Variants in SOX6 observed in about 807,000 individuals in gnomAD.
SOX6 encodes SRY-box transcription factor 6.
SOX6 carries 11 observed loss-of-function variants against 97.8 expected under a neutral mutation model. That is an observed-to-expected ratio of 0.11 (90% CI 0.07 to 0.19). The LOEUF is 0.19. Ranked by LOEUF, SOX6 falls within the 10% of genes least tolerant of loss-of-function variation. The probability of loss-of-function intolerance (pLI) is 1.00; values close to 1 mark genes in which losing one functional copy is unlikely to be tolerated. For missense variants in SOX6, 810 were observed against 1,039.5 expected (o/e 0.78, Z 3.04); for synonymous variants, 360 against 371.4 (o/e 0.97, Z 0.35).
At chr11:16,288,584 ATTTTAGAGCCCAGTCATTCATTTAT>A (rs1854819354) in intron 3 of SOX6, among the ~76,000 whole-genome samples, 1 of 152,048 alleles carries the variant, frequency 6.6e-6, no homozygotes, top group African/African-American at 2.4e-5. Flanking sequence ...TTAGTAAGAT[ATTTTAGAGCCCAGTCATTCATTTAT>A]TAAATATTCT....
intron 6 of SOX6, among the ~76,000 whole-genome samples, chr11:16,117,209 T>C (rs1159564591): frequency 6.6e-6 from 1 of 151,934 alleles, no homozygotes; most frequent in Non-Finnish European, 1.5e-5. Flanking sequence ...AAAAATTAGC[T>C]GGGCATGGTG....
At chr11:16,476,260 AAACTGT>A (rs1860245592) in intron 1 of SOX6, 1 of 152,434 alleles carries the variant, frequency 6.6e-6, no homozygotes, top group African/African-American at 2.4e-5. Flanking sequence ...ACTTGTTTAC[AAACTGT>A]AACTGTTTCA....
intron 2 of SOX6, chr11:16,736,320 T>G (rs1290205875): frequency 6.6e-6 from 1 of 152,222 alleles, no homozygotes; most frequent in African/African-American, 2.4e-5. Flanking sequence ...TCTATTACAC[T>G]GTATAATTTC....
chr11:16,117,331 G>C (rs994401056), intron 6 of SOX6, among the ~76,000 whole-genome samples: 6 of 150,292 alleles, frequency 4.0e-5, no homozygotes, highest in Non-Finnish European at 8.9e-5. Context: ...CCAGCCTGGC[G>C]ACAGAGCGAG....
intron 1 of SOX6, among the ~76,000 whole-genome samples, chr11:16,474,639 CT>C (rs1860202739): frequency 6.6e-6 from 1 of 152,126 alleles, no homozygotes; most frequent in Non-Finnish European, 1.5e-5. Flanking sequence ...GTAAACCATG[CT>C]ATAAACAAGT....
Position 16,177,936 on chromosome 11 carries a change from A to C in SOX6, c.777+5950T>G, listed in dbSNP as rs1851243591. 2.0e-5 allele frequency among the ~76,000 whole-genome samples: 3 copies of C among 151,946 alleles called. No individual in the cohort carries two copies. The South Asian group carries it at 6.2e-4, about 31-fold the overall frequency. ...ATTTTTAGTACCACTGGTTTGGGAG[A>C]GAGCTGGGGAGTACAGTGCAGTCTA... is the stretch of plus-strand genomic sequence containing the variant. On this transcript the variant is annotated intron_variant, in intron 6 of 15. Transcript: ENST00000683767.
rs766532266 is a variant in SOX6 at position 16,177,996 on chromosome 11, TAG to T, written c.777+5888_777+5889del. ...CACAGATAGAGAAGGGCGGGTTGTGTAGAGACTGAAGTAACTGAAGGATAGCG... is the reference window on the plus strand; with the variant it reads ...CACAGATAGAGAAGGGCGGGTTGTGTAGACTGAAGTAACTGAAGGATAGCG... On this transcript the variant is annotated intron_variant, in intron 6 of 15. Transcript: ENST00000683767. Among the ~76,000 whole-genome samples, 59 of 151,930 alleles carry T rather than the reference TAG, an allele frequency of 3.9e-4. 1 individual carries two copies. The highest frequency in any genetic ancestry group is 2.7e-4 in the Non-Finnish European group (18 of 67,916).
At chr11:16,546,452 T>G (rs762333014) in intron 4 of SOX6, among the ~76,000 whole-genome samples, 3 of 151,782 alleles carry the variant, frequency 2.0e-5, no homozygotes, top group Non-Finnish European at 4.4e-5. Context: ...CAGAAACAAA[T>G]CCACATATTT....
At chr11:16,414,889 T>C (rs889364710) in intron 1 of SOX6, among the ~76,000 whole-genome samples, 36 of 152,162 alleles carry the variant, frequency 2.4e-4, no homozygotes, top group Non-Finnish European at 7.4e-5. Flanking sequence ...AATATAAATA[T>C]AAGCTATTTT....
chr11:16,203,500 C>G (rs539300108), intron 4 of SOX6, among the ~76,000 whole-genome samples: 2 of 152,124 alleles, frequency 1.3e-5, no homozygotes, highest in Admixed American at 1.3e-4. Flanking sequence ...GTTTAATTAT[C>G]AACACAACAA....
At chr11:16,516,628 G>A (rs903803940) in intron 4 of SOX6, among the ~76,000 whole-genome samples, 1 of 151,200 alleles carries the variant, frequency 6.6e-6, no homozygotes, top group East Asian at 2.0e-4. Context: ...ACTAAACCAG[G>A]AAGAAGTTGA....
intron 4 of SOX6, among the ~76,000 whole-genome samples, chr11:16,560,886 T>C (rs1418307234): frequency 2.6e-5 from 4 of 152,122 alleles, no homozygotes; most frequent in African/African-American, 9.7e-5. Flanking sequence ...AAACCAAATA[T>C]CATATGTTCT....
At chr11:16,640,438 G>A (rs1381625214) in intron 3 of SOX6, among the ~76,000 whole-genome samples, 1 of 152,182 alleles carries the variant, frequency 6.6e-6, no homozygotes, top group Non-Finnish European at 1.5e-5. Context: ...ATGAGTTAGG[G>A]AGGATTCCCT....
At chr11:16,096,670 TAG>T (rs1472344314) in intron 8 of SOX6, among the ~76,000 whole-genome samples, 1 of 151,864 alleles carries the variant, frequency 6.6e-6, no homozygotes, top group Non-Finnish European at 1.5e-5. Context: ...TCAAGTCACA[TAG>T]AGACTAGCAA....
chr11:16,369,239 T>C (rs1857441652), intron 1 of SOX6, among the ~76,000 whole-genome samples: 1 of 152,272 alleles, frequency 6.6e-6, no homozygotes, highest in Admixed American at 6.5e-5. Flanking sequence ...ATTTGCCCCA[T>C]CTACAGCTAA....
intron 13 of SOX6, among the ~76,000 whole-genome samples, chr11:15,992,686 A>C (rs1236804577): frequency 6.6e-6 from 1 of 152,218 alleles, no homozygotes; most frequent in Non-Finnish European, 1.5e-5. Context: ...CACCTGGGTA[A>C]TGTACAGAAA....
chr11:16,632,181 T>A (rs1216687810), intron 3 of SOX6, among the ~76,000 whole-genome samples: 1 of 152,338 alleles, frequency 6.6e-6, no homozygotes, highest in Middle Eastern at 3.4e-3. Context: ...TTCCTTTGGT[T>A]CCTTCTCATC....
intron 1 of SOX6, among the ~76,000 whole-genome samples, chr11:16,448,841 G>C (rs1859661736): frequency 6.6e-6 from 1 of 152,104 alleles, no homozygotes; most frequent in Non-Finnish European, 1.5e-5. Context: ...AGGCCAGTCT[G>C]ATCAACATAG....
upstream of SOX6, among the ~76,000 whole-genome samples, chr11:16,360,694 C>T (rs1786478508): frequency 2.0e-5 from 3 of 152,150 alleles, 1 homozygote; most frequent in South Asian, 6.2e-4. Context: ...TGAATGACTC[C>T]AATATACTCT....
Sources: gnomAD v4.1 joint callset for allele counts (sites outside exome capture counted in the v4.1 genomes callset) on GRCh38, gnomAD v4.1.1 for gene constraint, MANE v1.5 for transcripts, NCBI Gene and HGNC (gene_info 2026-07-23, HGNC 2026-07-21) for gene names.